Variants in P2RY6 observed in about 807,000 individuals in gnomAD.
The protein encoded by P2RY6 is P2Y purinoceptor 6.
A neutral mutation model predicts 16.3 loss-of-function variants in P2RY6; 19 were observed. The observed-to-expected ratio is 1.16, with a 90% CI of 0.81 to 1.71. P2RY6 has a LOEUF of 1.71. Ranked by LOEUF, P2RY6 falls within the 40% of genes most tolerant of loss-of-function variation. The probability of loss-of-function intolerance (pLI) is 0.00; values close to 1 mark genes in which losing one functional copy is unlikely to be tolerated. For missense variants in P2RY6, 389 were observed against 455.5 expected (o/e 0.85, Z 1.33); for synonymous variants, 184 against 201.5 (o/e 0.91, Z 0.74).
intron 1 of P2RY6, among the ~76,000 whole-genome samples, chr11:73,290,343 GA>G (rs1363387140): frequency 7.4e-5 from 11 of 148,432 alleles, no homozygotes; most frequent in African/African-American, 2.8e-4. Context: ...AAGAAAGAAA[GA>G]AAGAAAGAAA....
intron 1 of P2RY6, among the ~76,000 whole-genome samples, chr11:73,289,646 C>T (rs1864116125): frequency 6.6e-6 from 1 of 152,224 alleles, no homozygotes; most frequent in East Asian, 1.9e-4. Flanking sequence ...TGTCCTCTGG[C>T]GCCATCTCAT....
At chr11:73,291,561 G>A (rs1312057155) in intron 1 of P2RY6, among the ~76,000 whole-genome samples, 1 of 152,224 alleles carries the variant, frequency 6.6e-6, no homozygotes, top group Non-Finnish European at 1.5e-5. Context: ...GTGCACAACT[G>A]ACCAAGTGTT....
At chr11:73,291,177 G>A (rs1221341882) in intron 1 of P2RY6, among the ~76,000 whole-genome samples, 3 of 152,142 alleles carry the variant, frequency 2.0e-5, no homozygotes, top group Admixed American at 2.0e-4. Flanking sequence ...CAGAGCGGTG[G>A]GATTAGGGGT....
intron 2 of P2RY6, among the ~76,000 whole-genome samples, chr11:73,296,233 A>AAAAATATATAT (rs57187973): frequency 1.6e-5 from 2 of 124,508 alleles, no homozygotes; most frequent in African/African-American, 7.0e-5. Flanking sequence ...GAAAAAAAAA[A>AAAAATATATAT]ATATATATAT....
rs1191348887 is a variant in P2RY6, at chr11:73,298,103, T to G, written c.*598T>G. On this transcript the variant is annotated 3_prime_UTR_variant, in exon 3 of 3. Coordinates refer to ENST00000540124, the MANE Select transcript of P2RY6 (RefSeq NM_001277204.2). ...ATCAGGGTTGTGACAGAGGGAAGCA[T>G]GGCTGGGGGGAGGGGGTACACAGAC... is the stretch of plus-strand genomic sequence containing the variant. 1 of 168,024 alleles carries G rather than the reference T, an allele frequency of 6.0e-6. No homozygotes were observed. The highest frequency in any genetic ancestry group is 2.4e-5 in the African/African-American group (1 of 41,326). 10.4% of individuals were successfully genotyped at this position (168,024 alleles called of 1,614,324 possible). A position where few individuals can be genotyped will look rare whatever the true frequency, so the allele number is the denominator to read the frequency against.
rs546534644 is a variant in P2RY6 at position 73,297,171 on chromosome 11, G to A, written c.653G>A (p.Arg218His). 1.8e-4 allele frequency: 281 copies of A among 1,604,130 alleles called. 1 individual carries two copies. The South Asian group carries it at 2.5e-3, about 14-fold the overall frequency. The change falls in exon 3 of 3, where the codon CGC becomes CAC. Residue 218 changes from arginine to histidine, a missense_variant. Physicochemically the swap from Arg to His is conservative, Grantham distance 29. Transcript: ENST00000540124. ...LLACYCLLAC[R>H]LCRQDGPAEP... ...GCCTGCTACTGTCTCCTGGCCTGCC[G>A]CCTGTGCCGCCAGGATGGCCCGGCA...
At chr11:73,271,966 G>A (rs549864149), upstream of P2RY6, 3 of 152,284 alleles carry the variant, frequency 2.0e-5, no homozygotes, top group East Asian at 5.8e-4. Flanking sequence ...GCAATGAGCA[G>A]AAGCAGGGCC....
At chr11:73,295,472 G>A (rs1016026656) in intron 1 of P2RY6, among the ~76,000 whole-genome samples, 1 of 152,216 alleles carries the variant, frequency 6.6e-6, no homozygotes, top group Non-Finnish European at 1.5e-5. Context: ...GGATTGGGCA[G>A]TTGGGTTCTG....
In P2RY6 at chr11:73,296,869, C is replaced by T. The variant is rs757653471; in HGVS notation, c.351C>T (p.Leu117=). ...YANLHGSILF[L]TCISFQRYLG... is the part of the protein sequence containing the mutation. Reference sequence around the variant, plus strand: ...ACCTGCACGGCAGCATCCTCTTCCTCACCTGCATCAGCTTCCAGCGCTACC... The same window carrying T: ...ACCTGCACGGCAGCATCCTCTTCCTTACCTGCATCAGCTTCCAGCGCTACC... The change falls in exon 3 of 3, where the codon CTC becomes CTT. Residue 117 remains leucine (L), a synonymous_variant. Coordinates refer to ENST00000540124, the MANE Select transcript of P2RY6 (RefSeq NM_001277204.2). The T allele has an allele frequency of 6.2e-6, 10 of 1,610,696 alleles. No individual in the cohort carries two copies. In the African/African-American group the frequency reaches 9.3e-5, roughly 15 times the overall value.
chr11:73,264,689 C>T (rs1863045025), intron 1 of P2RY6: 1 of 152,506 alleles, frequency 6.6e-6, no homozygotes, highest in Non-Finnish European at 1.5e-5. Flanking sequence ...TAAGGGGTGC[C>T]GGGGCGCGGG....
At chr11:73,272,824 C>T (rs147369471) in intron 1 of P2RY6, among the ~76,000 whole-genome samples, 1 of 152,266 alleles carries the variant, frequency 6.6e-6, no homozygotes, top group Non-Finnish European at 1.5e-5. Context: ...CTCTCTGGGC[C>T]TCAATTTCTT....
chr11:73,290,845 G>A (rs1256869596), intron 1 of P2RY6, among the ~76,000 whole-genome samples: 11 of 152,230 alleles, frequency 7.2e-5, no homozygotes, highest in Admixed American at 5.2e-4. Context: ...GCTAAGGCCC[G>A]GTGAGAGCAA....
intron 1 of P2RY6, among the ~76,000 whole-genome samples, chr11:73,278,936 T>G (rs754420094): frequency 1.3e-5 from 2 of 152,160 alleles, no homozygotes; most frequent in Non-Finnish European, 2.9e-5. Flanking sequence ...TTTTGATAAA[T>G]AGCCATAATA....
chr11:73,292,719 T>C, intron 1 of P2RY6: 2 of 811,518 alleles, frequency 2.5e-6, no homozygotes, highest in Non-Finnish European at 1.5e-6. Context: ...GGCGTGGTGT[T>C]GGGGATGGCA....
intron 1 of P2RY6, among the ~76,000 whole-genome samples, chr11:73,284,982 G>A (rs141622145): frequency 1.1e-3 from 173 of 152,348 alleles, no homozygotes; most frequent in Non-Finnish European, 2.1e-3. Context: ...ATGCACATGC[G>A]TTGCGTAGGG....
chr11:73,266,621 C>T (rs1249443020), intron 1 of P2RY6, among the ~76,000 whole-genome samples: 1 of 152,218 alleles, frequency 6.6e-6, no homozygotes, highest in Non-Finnish European at 1.5e-5. Flanking sequence ...GAGCAAGTGC[C>T]CCTGTTCCTG....
At chr11:73,285,049 G>C (rs558563084) in intron 1 of P2RY6, among the ~76,000 whole-genome samples, 1 of 152,160 alleles carries the variant, frequency 6.6e-6, no homozygotes, top group Non-Finnish European at 1.5e-5. Context: ...GGTATCATTC[G>C]AGTGACCACC....
upstream of P2RY6, among the ~76,000 whole-genome samples, chr11:73,268,404 G>A (rs905554768): frequency 1.1e-4 from 16 of 152,172 alleles, no homozygotes; most frequent in African/African-American, 3.4e-4. Flanking sequence ...GAGGAGGATC[G>A]ATTGAGACCA....
intron 1 of P2RY6, among the ~76,000 whole-genome samples, chr11:73,284,584 A>C (rs1863893229): frequency 6.6e-6 from 1 of 152,224 alleles, no homozygotes; most frequent in Non-Finnish European, 1.5e-5. Flanking sequence ...GGCTGGCTTA[A>C]AGGCCTTTGG....
Sources: allele counts gnomAD v4.1 joint callset (sites outside exome capture counted in the v4.1 genomes callset), GRCh38; gene constraint gnomAD v4.1.1; transcripts MANE v1.5; gene names NCBI Gene and HGNC (gene_info 2026-07-23, HGNC 2026-07-21).